Variants in LHX8 observed in about 807,000 individuals in gnomAD.
The protein encoded by LHX8 is LIM/homeobox protein Lhx8.
LHX8 carries 12 observed loss-of-function variants against 40.3 expected under a neutral mutation model. The ratio of observed to expected loss-of-function variants is 0.30; its 90% CI spans 0.19 to 0.48. The LOEUF is 0.48. Ranked by LOEUF, LHX8 falls within the 20% of genes least tolerant of loss-of-function variation. The probability of loss-of-function intolerance (pLI) is 0.99; values close to 1 mark genes in which losing one functional copy is unlikely to be tolerated. For missense variants in LHX8, 344 were observed against 433.7 expected (o/e 0.79, Z 1.84); for synonymous variants, 179 against 162.0 (o/e 1.10, Z -0.80).
At chr1:75,167,913 C>T in the LHX8 span, among the ~76,000 whole-genome samples, 3 of 152,130 alleles carry the variant, frequency 2.0e-5, no homozygotes, top group Non-Finnish European at 4.4e-5. Flanking sequence ...GGGTCATTAT[C>T]GAGTAATTCA....
intron 6 of LHX8, among the ~76,000 whole-genome samples, chr1:75,145,828 T>A (rs1570293572): frequency 6.6e-6 from 1 of 152,272 alleles, no homozygotes; most frequent in South Asian, 2.1e-4. Context: ...AAGCCTTACA[T>A]TATGGTATGT....
chr1:75,148,476 C>G (rs1648521830), intron 6 of LHX8, 111 bp from the exon 7 acceptor site: 1 of 772,722 alleles, frequency 1.3e-6, no homozygotes, highest in Non-Finnish European at 2.3e-6. Context: ...TTTCAAGTAA[C>G]AAAAGTATCC....
chr1:75,160,751 T>C (rs962254373), intron 8 of LHX8, 68 bp from the exon 9 acceptor site: 1 of 1,044,470 alleles, frequency 9.6e-7, no homozygotes, highest in Non-Finnish European at 1.5e-6. Flanking sequence ...TGGATTGTTT[T>C]TGTTTGTTTA....
At chr1:75,151,060 G>C (rs1363998460) in intron 7 of LHX8, among the ~76,000 whole-genome samples, 1 of 152,176 alleles carries the variant, frequency 6.6e-6, no homozygotes, top group Non-Finnish European at 1.5e-5. Flanking sequence ...GAAACTCAGG[G>C]AGGGGAAAGG....
Position 75,134,930 on chromosome 1 carries a change from G to C in LHX8, c.-37G>C. On this transcript the variant is annotated 5_prime_UTR_variant, in exon 1 of 9. Coordinates refer to ENST00000356261, the MANE Select transcript of LHX8 (RefSeq NM_001256114.2). ...ACTGTAATTTGGGAGATGAAGCCTC[G>C]AGCCTAAGGCGCTCTCAGGTCCATG... 1.0e-6 allele frequency: 1 copy of C among 985,242 alleles called. No homozygotes were observed. Among genetic ancestry groups the C allele is most frequent in the South Asian group, 4.7e-5 (1 of 21,272 alleles). The allele number at this position is 985,242 out of a possible 1,614,324, so 61.0% of individuals were successfully genotyped here. A position where few individuals can be genotyped will look rare whatever the true frequency, so the allele number is the denominator to read the frequency against.
At chr1:75,176,776 G>T in the LHX8 span, among the ~76,000 whole-genome samples, 1 of 151,932 alleles carries the variant, frequency 6.6e-6, no homozygotes, top group African/African-American at 2.4e-5. Context: ...GTATTGCCTA[G>T]GTTTTCTTCT....
downstream of LHX8, among the ~76,000 whole-genome samples, chr1:75,162,163 A>G (rs1313053698): frequency 6.6e-6 from 1 of 152,192 alleles, no homozygotes; most frequent in African/African-American, 2.4e-5. Context: ...TCATAAATAC[A>G]ACCAGAAAGT....
the LHX8 span, among the ~76,000 whole-genome samples, chr1:75,192,721 C>G: frequency 6.6e-6 from 1 of 152,062 alleles, no homozygotes; most frequent in South Asian, 2.1e-4. Context: ...GAGACAGAGT[C>G]TCGCTGTGTT....
chr1:75,152,364 C>A (rs374458804), intron 7 of LHX8, among the ~76,000 whole-genome samples: 2 of 152,190 alleles, frequency 1.3e-5, no homozygotes, highest in African/African-American at 2.4e-5. Context: ...TTTTTTTCCC[C>A]ACACACTGCA....
At chr1:75,130,891 A>T (rs1160456966), upstream of LHX8, 1 of 757,086 alleles carries the variant, frequency 1.3e-6, no homozygotes, top group East Asian at 2.6e-5. Flanking sequence ...TTTAGCTGAG[A>T]TTTCACCTTC....
chr1:75,190,248 T>C, the LHX8 span, among the ~76,000 whole-genome samples: 11 of 152,244 alleles, frequency 7.2e-5, no homozygotes, highest in South Asian at 2.3e-3. Flanking sequence ...TGAAAAAACT[T>C]TTTTCTTTAT....
At chr1:75,163,203 TG>T (rs887401899), downstream of LHX8, among the ~76,000 whole-genome samples, 67 of 152,280 alleles carry the variant, frequency 4.4e-4, no homozygotes, top group African/African-American at 1.6e-3. Flanking sequence ...TAAGTACACC[TG>T]TTTTGAATAT....
the LHX8 span, among the ~76,000 whole-genome samples, chr1:75,188,912 G>A: frequency 2.0e-5 from 3 of 152,256 alleles, no homozygotes; most frequent in South Asian, 2.1e-4. Context: ...TATGGACACT[G>A]CCTGTTCTGA....
chr1:75,174,867 G>C, the LHX8 span, among the ~76,000 whole-genome samples: 7 of 151,398 alleles, frequency 4.6e-5, no homozygotes, highest in Non-Finnish European at 8.8e-5. Flanking sequence ...GGTGATGTTT[G>C]GTTGTATGAA....
the LHX8 span, among the ~76,000 whole-genome samples, chr1:75,178,302 C>G: frequency 6.6e-6 from 1 of 152,032 alleles, no homozygotes; most frequent in Non-Finnish European, 1.5e-5. Flanking sequence ...CCATCTGGTC[C>G]TGGACTTTTT....
chr1:75,186,158 CA>C, the LHX8 span, among the ~76,000 whole-genome samples: 5 of 152,140 alleles, frequency 3.3e-5, no homozygotes, highest in African/African-American at 9.7e-5. Context: ...ATCAGACTAC[CA>C]ATGACATTCT....
the LHX8 span, among the ~76,000 whole-genome samples, chr1:75,181,111 G>A: frequency 6.6e-6 from 1 of 152,188 alleles, no homozygotes; most frequent in Non-Finnish European, 1.5e-5. Context: ...CTGGCTGTAT[G>A]AGGTGTCAAT....
chr1:75,157,117 A>G, intron 8 of LHX8, 41 bp downstream of exon 8: 1 of 1,571,928 alleles, frequency 6.4e-7, no homozygotes, highest in Non-Finnish European at 8.8e-7. Context: ...CCAGGCAATC[A>G]GCAACTGGTA....
chr1:75,158,781 G>A (rs906769526), intron 8 of LHX8, among the ~76,000 whole-genome samples: 10 of 151,928 alleles, frequency 6.6e-5, no homozygotes, highest in East Asian at 5.8e-4. Context: ...ATGATAATGT[G>A]TTTCTATTTT....
Sources: gnomAD v4.1 joint callset for allele counts (sites outside exome capture counted in the v4.1 genomes callset) on GRCh38, gnomAD v4.1.1 for gene constraint, MANE v1.5 for transcripts, NCBI Gene and HGNC (gene_info 2026-07-23, HGNC 2026-07-21) for gene names.